The following CENPW variants were observed in gnomAD, a reference collection of about 807,000 sequenced individuals.
The protein encoded by CENPW is cancer-up-regulated gene 2 protein.
CENPW carries 3 observed loss-of-function variants against 11.1 expected under a neutral mutation model. The observed-to-expected ratio is 0.27, with a 90% confidence interval of 0.12 to 0.70. The LOEUF (loss-of-function observed/expected upper bound fraction) is 0.70. CENPW is among the 30% of genes least tolerant of loss of function. CENPW has a pLI of 0.77. For missense variants in CENPW, 100 were observed against 105.6 expected, an observed-to-expected ratio of 0.95 and a Z score of 0.23; for synonymous variants, 38 against 42.0, an observed-to-expected ratio of 0.91 and a Z score of 0.37.
chr6:126,421,412 C>T, the CENPW span, among the ~76,000 whole-genome samples: 3 of 151,998 alleles, frequency 2.0e-5, no homozygotes, highest in Non-Finnish European at 4.4e-5. Context: ...TGTGTTGCTA[C>T]AAGAAACTAT....
the CENPW span, among the ~76,000 whole-genome samples, chr6:126,388,764 G>T: frequency 6.6e-6 from 1 of 151,910 alleles, no homozygotes; most frequent in Non-Finnish European, 1.5e-5. Flanking sequence ...GAAAGAGAAT[G>T]AATACATGCT....
At chr6:126,440,503 T>G in the CENPW span, among the ~76,000 whole-genome samples, 2 of 151,596 alleles carry the variant, frequency 1.3e-5, no homozygotes, top group Non-Finnish European at 3.0e-5. Flanking sequence ...AGATAATTAT[T>G]TTTCTTAATT....
chr6:126,456,197 T>TA, the CENPW span, among the ~76,000 whole-genome samples: 10 of 151,138 alleles, frequency 6.6e-5, no homozygotes, highest in East Asian at 1.6e-3. Context: ...ACATAATTAG[T>TA]AAAAACTTTT....
the CENPW span, among the ~76,000 whole-genome samples, chr6:126,395,619 A>T: frequency 6.6e-6 from 1 of 152,078 alleles, no homozygotes; most frequent in African/African-American, 2.4e-5. Context: ...ATATCTGTAC[A>T]CTGAAGAGTT....
chr6:126,427,173 G>A, the CENPW span, among the ~76,000 whole-genome samples: 1 of 152,080 alleles, frequency 6.6e-6, no homozygotes, highest in South Asian at 2.1e-4. Flanking sequence ...ATGCCTCATC[G>A]ATTAAACTGT....
chr6:126,429,702 C>T, the CENPW span, among the ~76,000 whole-genome samples: 1 of 152,144 alleles, frequency 6.6e-6, no homozygotes, highest in South Asian at 2.1e-4. Context: ...TGGCCTAATA[C>T]AATTTGCATT....
chr6:126,459,820 A>C, the CENPW span, among the ~76,000 whole-genome samples: 2 of 151,568 alleles, frequency 1.3e-5, no homozygotes, highest in African/African-American at 4.8e-5. Context: ...TGTGCTCCTC[A>C]CTAATTCTCT....
rs73771459 is a variant in CENPW at position 126,342,412 on chromosome 6, T to C, written c.126+2013T>C. On this transcript the variant is annotated intron_variant, in intron 1 of 2. Coordinates refer to ENST00000368328, the MANE Select transcript of CENPW (RefSeq NM_001012507.4). ...GAGTATACATCATACAGTTGAGCTA[T>C]TGGGACTCTTAACACTGTTGTCTAG... Among the ~76,000 whole-genome samples, 973 of 152,316 alleles carry C rather than the reference T, an allele frequency of 6.4e-3. 11 individuals carry two copies. The highest frequency in any genetic ancestry group is 0.021 in the African/African-American group (877 of 41,582).
chr6:126,368,331 A>G, the CENPW span, among the ~76,000 whole-genome samples: 9 of 152,110 alleles, frequency 5.9e-5, no homozygotes, highest in African/African-American at 1.2e-4. Context: ...GGTTTGTTTT[A>G]TTTTGGTTTT....
chr6:126,373,898 A>G, the CENPW span, among the ~76,000 whole-genome samples: 1 of 152,216 alleles, frequency 6.6e-6, no homozygotes, highest in Non-Finnish European at 1.5e-5. Context: ...CAGACAGGGA[A>G]GGGAGACATT....
At chr6:126,423,768 T>C in the CENPW span, among the ~76,000 whole-genome samples, 3 of 151,948 alleles carry the variant, frequency 2.0e-5, no homozygotes, top group Admixed American at 2.0e-4. Flanking sequence ...CCTGAAGAAA[T>C]ATGTATTTTA....
the CENPW span, among the ~76,000 whole-genome samples, chr6:126,424,540 G>A: frequency 6.6e-6 from 1 of 152,110 alleles, no homozygotes; most frequent in South Asian, 2.1e-4. Context: ...CACACAGTTA[G>A]CCTCAATGCT....
the CENPW span, among the ~76,000 whole-genome samples, chr6:126,376,636 G>A: frequency 6.6e-6 from 1 of 152,112 alleles, no homozygotes; most frequent in African/African-American, 2.4e-5. Context: ...TTGGAACTGG[G>A]CATTACTTAG....
the CENPW span, among the ~76,000 whole-genome samples, chr6:126,415,225 A>T: frequency 6.6e-6 from 1 of 151,910 alleles, no homozygotes; most frequent in Non-Finnish European, 1.5e-5. Flanking sequence ...TTTTTACATT[A>T]TTATCTCCTT....
the CENPW span, among the ~76,000 whole-genome samples, chr6:126,388,734 A>C: frequency 1.1e-4 from 16 of 151,974 alleles, no homozygotes; most frequent in African/African-American, 3.9e-4. Context: ...TTTCACTTGG[A>C]AAGAAGATGA....
At chr6:126,375,844 A>G in the CENPW span, among the ~76,000 whole-genome samples, 1 of 152,042 alleles carries the variant, frequency 6.6e-6, no homozygotes, top group Admixed American at 6.6e-5. Flanking sequence ...TTTCTAATGA[A>G]TTTCTAATCC....
At chr6:126,393,552 G>A in the CENPW span, among the ~76,000 whole-genome samples, 2 of 151,180 alleles carry the variant, frequency 1.3e-5, no homozygotes, top group South Asian at 4.2e-4. Flanking sequence ...TCGTTTTCAG[G>A]AGCATATTGT....
downstream of CENPW, among the ~76,000 whole-genome samples, chr6:126,349,329 T>C (rs1354922358): frequency 1.3e-5 from 2 of 152,180 alleles, no homozygotes; most frequent in Admixed American, 1.3e-4. Flanking sequence ...AGTGTACATG[T>C]AGTTCTGTTG....
chr6:126,344,092 C>T (rs1167798310), intron 1 of CENPW, among the ~76,000 whole-genome samples: 3 of 152,126 alleles, frequency 2.0e-5, no homozygotes, highest in African/African-American at 7.2e-5. Flanking sequence ...TAATTATTAG[C>T]TGCCTACTAT....
Sources: allele counts gnomAD v4.1 joint callset (sites outside exome capture counted in the v4.1 genomes callset), GRCh38; gene constraint gnomAD v4.1.1; transcripts MANE v1.5; gene names NCBI Gene and HGNC (gene_info 2026-07-23, HGNC 2026-07-21).